The following UVSSA variants were observed in gnomAD, a reference collection of about 807,000 sequenced individuals.
The protein encoded by UVSSA is UV-stimulated scaffold protein A.
Under a neutral mutation model 73.9 loss-of-function variants are expected in UVSSA, and 72 were observed. The ratio of observed to expected loss-of-function variants is 0.97; its 90% confidence interval spans 0.81 to 1.19. The LOEUF is 1.19. Among genes scored for constraint, UVSSA ranks in the 50% most tolerant of loss-of-function variants. The probability of loss-of-function intolerance (pLI) is 0.00; values close to 1 mark genes in which losing one functional copy is unlikely to be tolerated. For missense variants in UVSSA, 1,150 were observed against 965.0 expected (o/e 1.19, Z -2.54); for synonymous variants, 454 against 391.3 (o/e 1.16, Z -1.89).
chr4:1,348,556 A>T (rs1714099185), intron 2 of UVSSA, among the ~76,000 whole-genome samples: 1 of 152,218 alleles, frequency 6.6e-6, no homozygotes, highest in African/African-American at 2.4e-5. Flanking sequence ...GAGTTGGTCC[A>T]TCGCCTTTAG....
At chr4:1,390,593 T>C (rs1720389623), downstream of UVSSA, 1 of 152,270 alleles carries the variant, frequency 6.6e-6, no homozygotes, top group South Asian at 2.1e-4. Context: ...CTGTTACTGA[T>C]TTCTTATTTC....
At chr4:1,346,038 G>A (rs898757980), upstream of UVSSA, among the ~76,000 whole-genome samples, 3 of 152,196 alleles carry the variant, frequency 2.0e-5, no homozygotes, top group Admixed American at 1.3e-4. Flanking sequence ...GGGTGAGGCG[G>A]AGGAGCGGCT....
Position 1,351,756 on chromosome 4 carries a change from G to A in UVSSA, c.471G>A (p.Arg157=). ...QDTNARSLAE[R]KREEEKQKHL... Reference sequence around the variant, plus strand: ...CGAATGCTCGGAGTCTGGCAGAAAGGAAGAGAGAAGAGGAGAAGCAGAAGC... The same window carrying A: ...CGAATGCTCGGAGTCTGGCAGAAAGAAAGAGAGAAGAGGAGAAGCAGAAGC... Residue 157 remains arginine (R), a synonymous_variant, in exon 4 of 14, where the codon AGG becomes AGA. Coordinates refer to ENST00000389851, the MANE Select transcript of UVSSA (RefSeq NM_020894.4). 1 of 1,613,664 alleles carries A rather than the reference G, an allele frequency of 6.2e-7. No homozygotes were observed. Among genetic ancestry groups the A allele is most frequent in the Non-Finnish European group, 8.5e-7 (1 of 1,179,846 alleles).
intron 12 of UVSSA, among the ~76,000 whole-genome samples, chr4:1,382,823 G>A (rs1282989829): frequency 6.6e-6 from 1 of 152,200 alleles, no homozygotes; most frequent in Non-Finnish European, 1.5e-5. Flanking sequence ...CGCCCCCGTG[G>A]CCTGGTCCCA....
At chr4:1,372,824 A>AGC (rs1718277498) in intron 8 of UVSSA, among the ~76,000 whole-genome samples, 1 of 48,758 alleles carries the variant, frequency 2.1e-5, no homozygotes, top group Admixed American at 1.8e-4. Flanking sequence ...CAGGGCACTC[A>AGC]CCTCCCGCGT....
upstream of UVSSA, among the ~76,000 whole-genome samples, chr4:1,345,167 C>T (rs926273018): frequency 6.6e-6 from 1 of 152,082 alleles, no homozygotes; most frequent in Non-Finnish European, 1.5e-5. Context: ...CGGCAGTGAC[C>T]TGCTGCAGGG....
rs1715441629 is a variant in UVSSA at position 1,354,902 on chromosome 4, A to ATGGG, written c.1047+56_1047+59dup. On this transcript the variant is annotated intron_variant, in intron 6 of 13. Coordinates refer to ENST00000389851, the MANE Select transcript of UVSSA (RefSeq NM_020894.4). ...GAGGGACGTGTGCAGAGTGCCATGC[A>ATGGG]TGGGGGGGGTCCCTTTCTTGGGGGG... 2 of 1,196,438 alleles carry ATGGG rather than the reference A, an allele frequency of 1.7e-6. 1 individual carries two copies. Among genetic ancestry groups the ATGGG allele is most frequent in the Non-Finnish European group, 2.3e-6 (2 of 857,818 alleles). The allele number at this position is 1,196,438 out of a possible 1,614,324, so 74.1% of individuals were successfully genotyped here.
intron 13 of UVSSA, chr4:1,384,259 C>G (rs1186093613): frequency 5.5e-6 from 2 of 362,546 alleles, no homozygotes; most frequent in Non-Finnish European, 1.0e-5. Flanking sequence ...GAGTGAGCCC[C>G]TCGTCTCTCC....
In UVSSA at chr4:1,349,872, A is replaced by G. The variant is rs1366184001; in HGVS notation, c.429+18A>G. ...ACAAAAAGGTAGGTGGGCCTGGCCC[A>G]TTTTTTCAGAGACTGGTTACCTGAC... On this transcript the variant is annotated intron_variant, in intron 3 of 13. Transcript: ENST00000389851. 8 of 1,511,834 alleles carry G rather than the reference A, an allele frequency of 5.3e-6. No individual in the cohort carries two copies. The African/African-American group carries it at 9.8e-5, about 19-fold the overall frequency. 93.7% of individuals were successfully genotyped at this position (1,511,834 alleles called of 1,614,324 possible). A position where few individuals can be genotyped will look rare whatever the true frequency, so the allele number is the denominator to read the frequency against.
upstream of UVSSA, among the ~76,000 whole-genome samples, chr4:1,343,391 A>G (rs918517353): frequency 6.6e-6 from 1 of 152,230 alleles, no homozygotes; most frequent in African/African-American, 2.4e-5. Context: ...AAATAAAGTC[A>G]CATTGGAGGT....
chr4:1,395,476 C>T (rs748133221), exon 14 of UVSSA: 1 of 1,594,376 alleles, frequency 6.3e-7, no homozygotes, highest in South Asian at 1.1e-5. Context: ...TGCCCGCCTG[C>T]TCACACGTGC....
At chr4:1,357,688 C>T (rs573092936) in intron 7 of UVSSA, among the ~76,000 whole-genome samples, 2 of 147,382 alleles carry the variant, frequency 1.4e-5, no homozygotes, top group African/African-American at 2.6e-5. Flanking sequence ...AGGGACCCTG[C>T]GTGCTCTTCA....
At chr4:1,383,976 G>GC (rs747908782) in intron 13 of UVSSA, 36 bp downstream of exon 13, 52 of 1,585,018 alleles carry the variant, frequency 3.3e-5, no homozygotes, top group South Asian at 5.6e-5. Context: ...CCACCGCGTG[G>GC]CCCCCCCGTG....
chr4:1,395,913 A>G, exon 14 of UVSSA: 2 of 1,574,528 alleles, frequency 1.3e-6, no homozygotes, highest in Non-Finnish European at 1.7e-6. Context: ...TTCAGGACTG[A>G]TTTGTTAGCC....
intron 2 of UVSSA, among the ~76,000 whole-genome samples, chr4:1,349,010 G>GGGCGGTGTGCGGTTTGTGCCA (rs1182010814): frequency 2.0e-5 from 3 of 148,704 alleles, no homozygotes; most frequent in South Asian, 2.2e-4. Flanking sequence ...GCGTTGTGCC[G>GGGCGGTGTGCGGTTTGTGCCA]GGCGGTGTGC....
At position 1,348,182 on chromosome 4, in the gene UVSSA, A is replaced by G; in HGVS notation, c.91A>G (p.Ile31Val). 6.2e-7 allele frequency: 1 copy of G among 1,613,050 alleles called. No homozygotes were observed. Among genetic ancestry groups the G allele is most frequent in the Non-Finnish European group, 8.5e-7 (1 of 1,179,394 alleles). The change falls in exon 2 of 14, where the codon ATT (isoleucine) becomes GTT (valine). Residue 31 changes from isoleucine (I) to valine (V), a missense_variant. Transcript: ENST00000389851. ...NPEKMKELKK[I>V]CKSSEEQLSR... ...TGAGAAAATGAAGGAACTGAAGAAA[A>G]TTTGCAAGTATGTCTTAGGGTTCAG...
At chr4:1,352,731 C>T (rs141563043) in intron 4 of UVSSA, among the ~76,000 whole-genome samples, 91 of 152,368 alleles carry the variant, frequency 6.0e-4, no homozygotes, top group South Asian at 2.9e-3. Flanking sequence ...GCAGGCGGAT[C>T]GCCTGAGTCC....
chr4:1,373,728 G>A (rs1289569870), intron 8 of UVSSA, among the ~76,000 whole-genome samples: 9 of 152,140 alleles, frequency 5.9e-5, no homozygotes, highest in Admixed American at 2.0e-4. Context: ...TAGAAGAGAC[G>A]AGGATGCTGA....
At chr4:1,379,958 G>A (rs1719268614) in intron 10 of UVSSA, 89 bp from the exon 11 acceptor site, 2 of 1,463,022 alleles carry the variant, frequency 1.4e-6, no homozygotes, top group Admixed American at 2.1e-5. Context: ...CTGCAGTGGT[G>A]TTTGGCCTTC....
Sources: allele counts gnomAD v4.1 joint callset (sites outside exome capture counted in the v4.1 genomes callset), GRCh38; gene constraint gnomAD v4.1.1; transcripts MANE v1.5; gene names NCBI Gene and HGNC (gene_info 2026-07-23, HGNC 2026-07-21).